TSNARE1: variants seen among roughly 807,000 people sequenced by gnomAD.
TSNARE1 encodes t-SNARE domain containing 1, also known as t-SNARE domain-containing protein 1.
A neutral mutation model predicts 62.0 loss-of-function variants in TSNARE1; 49 were observed. The observed-to-expected ratio is 0.79, with a 90% CI of 0.63 to 1.00. TSNARE1 has a LOEUF of 1.00. Among genes scored for constraint, TSNARE1 ranks in the 50% least tolerant of loss-of-function variants. The pLI, the probability that TSNARE1 is intolerant of heterozygous loss-of-function variation, is 0.00. For missense variants in TSNARE1, 755 were observed against 700.1 expected (o/e 1.08, Z -0.88); for synonymous variants, 328 against 294.4 (o/e 1.11, Z -1.17).
chr8:142,301,196 C>T (rs1394045445), intron 9 of TSNARE1, among the ~76,000 whole-genome samples: 1 of 146,444 alleles, frequency 6.8e-6, no homozygotes, highest in Non-Finnish European at 1.5e-5. Flanking sequence ...CCTTCCTTCC[C>T]CTCCCGTCAG....
At position 142,344,469 on chromosome 8, in the gene TSNARE1, G is replaced by T. The variant is rs202197341; in HGVS notation, c.242C>A (p.Pro81His). The stretch of plus-strand genomic sequence containing the variant: ...CCGGCTGCCTTCAGGGGCAACCCCA[G>T]GCCCTGGAAAGGCACCAAAAGGCGG... ...PIVPRARKRG[P>H]GVAPEGSRMP... The change falls in exon 4 of 14, where the codon CCT becomes CAT. Residue 81 changes from proline (P) to histidine (H), a missense_variant. Transcript: ENST00000524325. 2 of 1,542,118 alleles carry T rather than the reference G, an allele frequency of 1.3e-6. No individual in the cohort carries two copies. Among genetic ancestry groups the T allele is most frequent in the Non-Finnish European group, 1.7e-6 (2 of 1,149,460 alleles).
intron 12 of TSNARE1, chr8:142,274,465 A>C (rs1820093323): frequency 1.0e-6 from 1 of 985,366 alleles, no homozygotes; most frequent in African/African-American, 1.7e-5. Flanking sequence ...CATCTGGCAC[A>C]GGAGGTGGAG....
chr8:142,355,108 G>T (rs1834620638), intron 1 of TSNARE1, among the ~76,000 whole-genome samples: 1 of 152,330 alleles, frequency 6.6e-6, no homozygotes, highest in East Asian at 1.9e-4. Flanking sequence ...GTGGCTTCTG[G>T]GAGCGCTGGG....
intron 1 of TSNARE1, among the ~76,000 whole-genome samples, chr8:142,379,293 T>G (rs1836561561): frequency 6.6e-6 from 1 of 152,064 alleles, no homozygotes; most frequent in African/African-American, 2.4e-5. Flanking sequence ...AGGGGCTGCC[T>G]CTCCTCCTAA....
intron 12 of TSNARE1, among the ~76,000 whole-genome samples, chr8:142,233,238 A>G (rs1817213189): frequency 6.6e-6 from 1 of 152,254 alleles, no homozygotes; most frequent in Non-Finnish European, 1.5e-5. Flanking sequence ...TGGGCAGGAC[A>G]GGCCCGTGAG....
At chr8:142,256,046 CCGTCACCAT>C (rs1818503279) in intron 12 of TSNARE1, among the ~76,000 whole-genome samples, 1 of 82,584 alleles carries the variant, frequency 1.2e-5, no homozygotes, top group Non-Finnish European at 2.8e-5. Flanking sequence ...GTCACCACCA[CCGTCACCAT>C]CACCACCACC....
intron 13 of TSNARE1, among the ~76,000 whole-genome samples, chr8:142,229,052 T>C (rs1816966460): frequency 7.0e-6 from 1 of 143,694 alleles, no homozygotes; most frequent in Non-Finnish European, 1.5e-5. Flanking sequence ...GATGAGTGGA[T>C]AGATGGATAA....
chr8:142,276,255 G>A (rs1053283582), intron 11 of TSNARE1: 74 of 985,272 alleles, frequency 7.5e-5, no homozygotes, highest in Non-Finnish European at 8.7e-5. Context: ...TTGCTCACTT[G>A]CAGACAGCCC....
chr8:142,331,910 C>T (rs1831108514), intron 4 of TSNARE1, 79 bp from the exon 5 acceptor site: 4 of 1,411,804 alleles, frequency 2.8e-6, no homozygotes, highest in Non-Finnish European at 3.9e-6. Context: ...CCGCTCTGGG[C>T]AGCCCCCAGG....
chr8:142,329,213 C>A (rs1830673891), intron 6 of TSNARE1, among the ~76,000 whole-genome samples: 1 of 152,198 alleles, frequency 6.6e-6, no homozygotes, highest in Admixed American at 6.5e-5. Flanking sequence ...CCACAGCTGG[C>A]CATGCAGGGA....
At chr8:142,394,041 G>A (rs527685589) in intron 1 of TSNARE1, among the ~76,000 whole-genome samples, 3 of 152,270 alleles carry the variant, frequency 2.0e-5, no homozygotes, top group African/African-American at 4.8e-5. Flanking sequence ...TTCTCCACCC[G>A]TCCAATCACA....
At position 142,365,602 on chromosome 8, in the gene TSNARE1, G is replaced by GCGCACACACA. The variant is rs149020570; in HGVS notation, c.-39-10840_-39-10839insTGTGTGTGCG. On this transcript the variant is annotated intron_variant, in intron 1 of 13. Transcript: ENST00000524325. ...AAACCATCCATAAACACATGCACAC[G>GCGCACACACA]CACACACACACACACACACACACAC... Among the ~76,000 whole-genome samples the GCGCACACACA allele has an allele frequency of 6.8e-3, 979 of 144,488 alleles. 6 individuals carry two copies. The highest frequency in any genetic ancestry group is 0.035 in the East Asian group (172 of 4,850). The allele number at this position is 144,488 out of a possible 152,430, so 94.8% of individuals were successfully genotyped here.
Position 142,291,296 on chromosome 8 carries a change from A to C in TSNARE1, c.1291-6811T>G, listed in dbSNP as rs1230504096. ...TGCTGGAGTAGGGCACCTGGGCTCG[A>C]ATCCCAGCTCCATGGCGTGTGAGCT... On this transcript the variant is annotated intron_variant, in intron 10 of 13. Coordinates refer to ENST00000524325, the MANE Select transcript of TSNARE1 (RefSeq NM_145003.5). This position sits in a 1 kb window ranked among gnomAD's most constrained non-coding sequence, Gnocchi z 4.8. Among the ~76,000 whole-genome samples, 1 of 152,028 alleles carries C rather than the reference A, an allele frequency of 6.6e-6. No homozygotes were observed. Among genetic ancestry groups the C allele is most frequent in the Non-Finnish European group, 1.5e-5 (1 of 68,012 alleles).
At chr8:142,214,262 C>T (rs903670747) in intron 13 of TSNARE1, among the ~76,000 whole-genome samples, 2 of 152,306 alleles carry the variant, frequency 1.3e-5, no homozygotes, top group Non-Finnish European at 2.9e-5. Flanking sequence ...TCCCCACCCA[C>T]AGCTCCAGCC....
chr8:142,334,691 G>A (rs1012317754), intron 4 of TSNARE1, among the ~76,000 whole-genome samples: 1 of 152,146 alleles, frequency 6.6e-6, no homozygotes, highest in Non-Finnish European at 1.5e-5. Flanking sequence ...AACCTGAAAA[G>A]TGGCCCGGAG....
intron 1 of TSNARE1, among the ~76,000 whole-genome samples, chr8:142,369,532 A>C (rs1272181271): frequency 6.6e-6 from 1 of 152,278 alleles, no homozygotes; most frequent in African/African-American, 2.4e-5. Context: ...AGGAGAGGTC[A>C]GAACCATCAA....
At chr8:142,285,725 G>A (rs959344215) in intron 10 of TSNARE1, among the ~76,000 whole-genome samples, 3 of 152,124 alleles carry the variant, frequency 2.0e-5, no homozygotes, top group Non-Finnish European at 4.4e-5. Context: ...ACAGAAACGT[G>A]GGCCAGGAGG....
intron 9 of TSNARE1, among the ~76,000 whole-genome samples, chr8:142,313,519 CTG>C (rs1827991816): frequency 6.6e-6 from 1 of 151,826 alleles, no homozygotes; most frequent in African/African-American, 2.4e-5. Flanking sequence ...GTCTACATGT[CTG>C]TGTTTATCTG....
chr8:142,293,841 C>A (rs1824230268), intron 10 of TSNARE1, among the ~76,000 whole-genome samples: 1 of 152,212 alleles, frequency 6.6e-6, no homozygotes, highest in Non-Finnish European at 1.5e-5. Flanking sequence ...CCCCATGGGG[C>A]CCTCAGCAAG....
Sources: allele counts gnomAD v4.1 joint callset (sites outside exome capture counted in the v4.1 genomes callset), GRCh38; gene constraint gnomAD v4.1.1; non-coding constraint Gnocchi (gnomAD v3.1); transcripts MANE v1.5; gene names NCBI Gene and HGNC (gene_info 2026-07-23, HGNC 2026-07-21).